FBXO36: variants seen among roughly 807,000 people sequenced by gnomAD.
The protein encoded by FBXO36 is F-box protein 36.
In FBXO36, 18 loss-of-function variants were observed where a neutral mutation model predicts 17.0. The observed-to-expected ratio is 1.06, with a 90% CI of 0.73 to 1.57. The LOEUF (loss-of-function observed/expected upper bound fraction) is 1.57, where lower values mean the gene tolerates loss of function less well. Ranked by LOEUF, FBXO36 falls within the 40% of genes most tolerant of loss-of-function variation. The probability of loss-of-function intolerance (pLI) is 0.00; values close to 1 mark genes in which losing one functional copy is unlikely to be tolerated. For synonymous variants in FBXO36, 83 were observed against 85.3 expected, an observed-to-expected ratio of 0.97 and a Z score of 0.15; for missense variants, 229 against 221.9, an observed-to-expected ratio of 1.03 and a Z score of -0.20.
At chr2:229,926,736 A>G (rs569538787) in intron 1 of FBXO36, among the ~76,000 whole-genome samples, 1 of 151,988 alleles carries the variant, frequency 6.6e-6, no homozygotes, top group South Asian at 2.1e-4. Context: ...CATCTCAAAA[A>G]CAAAAAAAAA....
chr2:229,978,427 A>G lies in FBXO36; in HGVS notation c.205+2078A>G, dbSNP rs554695085. On this transcript the variant is annotated intron_variant, in intron 2 of 3. Coordinates refer to ENST00000283946, the MANE Select transcript of FBXO36 (RefSeq NM_174899.5). ...GTGAAACCCCATCTCTACTAAAAAT[A>G]CAAAAAATTAGCTGGGCATGATGGT... Among the ~76,000 whole-genome samples, 3 of 152,012 alleles carry G rather than the reference A, an allele frequency of 2.0e-5. No homozygotes were observed. In the East Asian group the frequency reaches 5.8e-4, roughly 30 times the overall value.
chr2:229,996,653 C>T, intron 2 of FBXO36, 98 bp from the exon 3 acceptor site: 3 of 1,323,648 alleles, frequency 2.3e-6, no homozygotes, highest in Admixed American at 2.3e-5. Context: ...AACGTCACTC[C>T]CAGGGGAAAA....
At position 229,954,234 on chromosome 2, in the gene FBXO36, A is replaced by ATTTTTTTTTTTTTTTTTTTTTTTTTTT. The variant is rs60093081; in HGVS notation, c.97-21981_97-21980insTTTTTTTTTTTTTTTTTTTTTTTTTTT. On this transcript the variant is annotated intron_variant, in intron 1 of 3. Transcript: ENST00000283946. ...GCAACTGTCATTACAAACCCTTTGG[A>ATTTTTTTTTTTTTTTTTTTTTTTTTTT]TTTTTTTTTTTTTTTTTTTTTTTTT... Among the ~76,000 whole-genome samples, 51 of 71,402 alleles carry ATTTTTTTTTTTTTTTTTTTTTTTTTTT rather than the reference A, an allele frequency of 7.1e-4. 18 individuals are homozygous for ATTTTTTTTTTTTTTTTTTTTTTTTTTT. Among genetic ancestry groups the ATTTTTTTTTTTTTTTTTTTTTTTTTTT allele is most frequent in the Admixed American group, 1.3e-3 (5 of 3,822 alleles). 46.8% of individuals were successfully genotyped at this position (71,402 alleles called of 152,430 possible).
chr2:229,952,639 C>T (rs1189335577), intron 1 of FBXO36, among the ~76,000 whole-genome samples: 1 of 152,164 alleles, frequency 6.6e-6, no homozygotes, highest in Non-Finnish European at 1.5e-5. Context: ...GCATCCCCAG[C>T]AGTTTGCTAA....
chr2:229,979,683 G>A (rs941835722), intron 2 of FBXO36, among the ~76,000 whole-genome samples: 1 of 151,754 alleles, frequency 6.6e-6, no homozygotes, highest in South Asian at 2.1e-4. Context: ...GGGAAGCTGA[G>A]GCAGGAGAAT....
chr2:229,939,804 G>A (rs374179812), intron 1 of FBXO36, among the ~76,000 whole-genome samples: 4 of 152,284 alleles, frequency 2.6e-5, no homozygotes, highest in East Asian at 1.9e-4. Context: ...AAGAACCGCC[G>A]GGCGCCGTGG....
chr2:229,978,805 C>CA (rs2077223146), intron 2 of FBXO36, among the ~76,000 whole-genome samples: 1 of 151,954 alleles, frequency 6.6e-6, no homozygotes, highest in Non-Finnish European at 1.5e-5. Context: ...CATTGAAACT[C>CA]AAAAAAATCA....
chr2:229,939,628 T>C (rs2076986657), intron 1 of FBXO36, among the ~76,000 whole-genome samples: 1 of 151,560 alleles, frequency 6.6e-6, no homozygotes. Flanking sequence ...GAGAGAGAAA[T>C]AGATTGGCAT....
intron 1 of FBXO36, among the ~76,000 whole-genome samples, chr2:229,931,963 C>CTTTTTTTTTTCTTTTTTTT: frequency 6.9e-6 from 1 of 144,820 alleles, no homozygotes. Context: ...GTCACCTAAG[C>CTTTTTTTTTTCTTTTTTTT]TGGAGTGCAG....
At chr2:229,963,723 C>G (rs1323796568) in intron 1 of FBXO36, among the ~76,000 whole-genome samples, 1 of 152,136 alleles carries the variant, frequency 6.6e-6, no homozygotes, top group African/African-American at 2.4e-5. Context: ...GAATTACAGG[C>G]GTGAGCCACC....
intron 2 of FBXO36, 62 bp from the exon 3 acceptor site, chr2:229,996,689 A>G: frequency 6.7e-7 from 1 of 1,501,226 alleles, no homozygotes; most frequent in Admixed American, 2.1e-5. Context: ...TATTTCACTG[A>G]TTGTTATTAT....
At chr2:229,931,091 C>A (rs1690791077) in intron 1 of FBXO36, among the ~76,000 whole-genome samples, 1 of 152,076 alleles carries the variant, frequency 6.6e-6, no homozygotes, top group South Asian at 2.1e-4. Flanking sequence ...TTTTTAATTT[C>A]TTTTAATTTT....
chr2:229,985,407 T>C (rs959390915), intron 2 of FBXO36, among the ~76,000 whole-genome samples: 1 of 152,166 alleles, frequency 6.6e-6, no homozygotes, highest in Non-Finnish European at 1.5e-5. Context: ...CCATTTTCTC[T>C]AGGTTTCTTT....
intron 1 of FBXO36, among the ~76,000 whole-genome samples, chr2:229,957,271 G>A (rs1179588856): frequency 3.3e-5 from 5 of 152,004 alleles, no homozygotes; most frequent in Non-Finnish European, 7.4e-5. Flanking sequence ...ACTGAAGGAG[G>A]CACAGAAATC....
chr2:229,996,266 TA>T (rs112507619), intron 2 of FBXO36, among the ~76,000 whole-genome samples: 612 of 139,852 alleles, frequency 4.4e-3, no homozygotes, highest in Middle Eastern at 3.7e-3. Context: ...CGACCCCATC[TA>T]AAAAAAAAAA....
At chr2:229,988,828 G>GTTTT (rs11321192) in intron 2 of FBXO36, among the ~76,000 whole-genome samples, 3 of 129,356 alleles carry the variant, frequency 2.3e-5, no homozygotes, top group African/African-American at 5.8e-5. Flanking sequence ...ATGCTGGCCT[G>GTTTT]TTTTTTTTTT....
chr2:229,926,796 T>C (rs1425417314), intron 1 of FBXO36, among the ~76,000 whole-genome samples: 1 of 152,116 alleles, frequency 6.6e-6, no homozygotes, highest in East Asian at 1.9e-4. Flanking sequence ...TATTTTCTTA[T>C]ATTGGATTCT....
At chr2:229,929,730 A>G (rs1165620296) in intron 1 of FBXO36, among the ~76,000 whole-genome samples, 4 of 142,214 alleles carry the variant, frequency 2.8e-5, no homozygotes, top group East Asian at 4.5e-4. Flanking sequence ...ATGGTGGCGC[A>G]CGCCTGTAGT....
At chr2:229,925,809 G>A (rs898348485) in intron 1 of FBXO36, among the ~76,000 whole-genome samples, 2 of 152,010 alleles carry the variant, frequency 1.3e-5, no homozygotes, top group African/African-American at 4.8e-5. Flanking sequence ...GAAATATACT[G>A]TATGCTTATA....
Sources: gnomAD v4.1 joint callset for allele counts (sites outside exome capture counted in the v4.1 genomes callset) on GRCh38, gnomAD v4.1.1 for gene constraint, MANE v1.5 for transcripts, NCBI Gene and HGNC (gene_info 2026-07-23, HGNC 2026-07-21) for gene names.